Variants in MCTP2 observed in about 807,000 individuals in gnomAD.
The protein encoded by MCTP2 is multiple C2 and transmembrane domain containing 2.
In MCTP2, 132 loss-of-function variants were observed where a neutral mutation model predicts 111.6. That is an observed-to-expected ratio of 1.18 (90% CI 1.03 to 1.37). The LOEUF (loss-of-function observed/expected upper bound fraction) is 1.37, where lower values mean the gene tolerates loss of function less well. MCTP2 is among the 40% of genes most tolerant of loss of function. The pLI is 0.00. For missense variants in MCTP2, 1,183 were observed against 1,067.9 expected, an observed-to-expected ratio of 1.11 and a Z score of -1.50; for synonymous variants, 395 against 387.7, an observed-to-expected ratio of 1.02 and a Z score of -0.22.
chr15:94,272,085 G>C (rs1361598317), intron 1 of MCTP2, among the ~76,000 whole-genome samples: 1 of 152,172 alleles, frequency 6.6e-6, no homozygotes, highest in African/African-American at 2.4e-5. Flanking sequence ...GAAGTTTAAT[G>C]GTTGTGTTCT....
intron 2 of MCTP2, among the ~76,000 whole-genome samples, chr15:94,309,834 G>C (rs1316575325): frequency 6.6e-6 from 1 of 152,220 alleles, no homozygotes; most frequent in African/African-American, 2.4e-5. Flanking sequence ...TCAATGCAAA[G>C]TTGCTTTTAT....
At chr15:94,263,228 T>C (rs890230611) in intron 1 of MCTP2, among the ~76,000 whole-genome samples, 1 of 152,210 alleles carries the variant, frequency 6.6e-6, no homozygotes, top group African/African-American at 2.4e-5. Flanking sequence ...GGTTTTCGGC[T>C]GAATAGTGAA....
chr15:94,385,512 T>G lies in MCTP2; in HGVS notation c.1775T>G (p.Ile592Ser). The G allele has an allele frequency of 6.2e-7, 1 of 1,610,816 alleles. No homozygotes were observed. Among genetic ancestry groups the G allele is most frequent in the African/African-American group, 1.3e-5 (1 of 74,988 alleles). Residue 592 changes from isoleucine to serine, a missense_variant, in exon 14 of 23, where the codon ATT becomes AGT. Transcript: ENST00000357742. ...CCAGATTTTCTTGGAAAAGTTGCCA[T>G]TCCCTTGCTGTCCGTAAGTTTCCTT... ...KPPDFLGKVA[I>S]PLLSIRDGQP...
intron 20 of MCTP2, among the ~76,000 whole-genome samples, chr15:94,465,525 G>T (rs1048923612): frequency 6.6e-6 from 1 of 152,072 alleles, no homozygotes; most frequent in African/African-American, 2.4e-5. Context: ...TCGGAACTCC[G>T]ACTAACTGAA....
At chr15:94,274,844 C>T (rs2074103461) in intron 1 of MCTP2, among the ~76,000 whole-genome samples, 1 of 152,130 alleles carries the variant, frequency 6.6e-6, no homozygotes, top group Non-Finnish European at 1.5e-5. Context: ...GTCATGCTTT[C>T]CAACTCTATG....
At chr15:94,478,597 G>A (rs1043082866) in intron 22 of MCTP2, among the ~76,000 whole-genome samples, 10 of 152,094 alleles carry the variant, frequency 6.6e-5, no homozygotes, top group Non-Finnish European at 1.3e-4. Flanking sequence ...ATTTTTAAAC[G>A]AATAATCCTC....
At chr15:94,393,351 A>G (rs1313776944) in intron 14 of MCTP2, among the ~76,000 whole-genome samples, 1 of 152,252 alleles carries the variant, frequency 6.6e-6, no homozygotes, top group African/African-American at 2.4e-5. Context: ...CACTTAATTT[A>G]TAATAAACTT....
At chr15:94,283,090 G>A (rs553688435) in intron 1 of MCTP2, among the ~76,000 whole-genome samples, 14 of 152,268 alleles carry the variant, frequency 9.2e-5, no homozygotes, top group African/African-American at 2.4e-4. Context: ...GGTGCACACC[G>A]GCAGAGGTCT....
intron 14 of MCTP2, among the ~76,000 whole-genome samples, chr15:94,396,440 T>TTG (rs1167091199): frequency 2.6e-5 from 4 of 151,898 alleles, no homozygotes; most frequent in Admixed American, 6.6e-5. Flanking sequence ...AGACGTGGAA[T>TTG]TGTGTGTGTG....
intron 2 of MCTP2, 30 bp downstream of exon 2, chr15:94,298,760 T>TTG (rs2075396281): frequency 7.0e-7 from 1 of 1,427,478 alleles, no homozygotes; most frequent in African/African-American, 1.5e-5. Flanking sequence ...CTCTTTTTTT[T>TTG]TGTCTCTCTC....
chr15:94,243,463 G>GTACATACATA (rs1289418418), intron 1 of MCTP2, among the ~76,000 whole-genome samples: 4 of 145,192 alleles, frequency 2.8e-5, no homozygotes, highest in Non-Finnish European at 4.5e-5. Flanking sequence ...ACATGCGTAT[G>GTACATACATA]CGTATATGCG....
chr15:94,390,094 A>ACG (rs1255979408), intron 14 of MCTP2, among the ~76,000 whole-genome samples: 1 of 12,108 alleles, frequency 8.3e-5, no homozygotes, highest in Non-Finnish European at 2.2e-4. Context: ...ATATATGTAT[A>ACG]TATATATATA....
intron 20 of MCTP2, among the ~76,000 whole-genome samples, chr15:94,459,189 T>G (rs1361616366): frequency 6.6e-6 from 1 of 152,234 alleles, no homozygotes; most frequent in Non-Finnish European, 1.5e-5. Context: ...AAGGATTAAT[T>G]CTTACTTTAT....
chr15:94,298,545 A>G lies in MCTP2; in HGVS notation c.280A>G (p.Ser94Gly), dbSNP rs927690596. The G allele has an allele frequency of 1.2e-6, 2 of 1,614,168 alleles. No individual in the cohort carries two copies. Among genetic ancestry groups the G allele is most frequent in the African/African-American group, 1.3e-5 (1 of 75,056 alleles). The part of the protein sequence containing the change: ...TAGIFPKSSS[S>G]SLKQSEEELD... Reference sequence around the variant, plus strand: ...AGGGATCTTTCCCAAGAGCAGCAGTAGCTCCTTGAAACAGTCTGAAGAAGA... The same window carrying G: ...AGGGATCTTTCCCAAGAGCAGCAGTGGCTCCTTGAAACAGTCTGAAGAAGA... The change falls in exon 2 of 23, where the codon AGC (serine) becomes GGC (glycine). Residue 94 changes from serine (S) to glycine (G), a missense_variant. Coordinates refer to ENST00000357742, the MANE Select transcript of MCTP2 (RefSeq NM_001385001.1).
intron 21 of MCTP2, 70 bp from the exon 22 acceptor site, chr15:94,476,626 A>C: frequency 2.6e-6 from 2 of 779,458 alleles, no homozygotes; most frequent in Non-Finnish European, 4.4e-6. Context: ...ATAGATAGAT[A>C]GATAGATAGA....
Position 94,401,944 on chromosome 15 carries a change from A to C in MCTP2, c.2010A>C (p.Ala670=). 1 of 1,612,912 alleles carries C rather than the reference A, an allele frequency of 6.2e-7. No homozygotes were observed. Among genetic ancestry groups the C allele is most frequent in the Non-Finnish European group, 8.5e-7 (1 of 1,178,988 alleles). ...DVDRVKRITM[A]IWNTMQFLKS... ...ACCGTGTGAAAAGAATCACTATGGCAATATGGAATACAATGCAGTTCCTTA... is the reference window on the plus strand; with the variant it reads ...ACCGTGTGAAAAGAATCACTATGGCCATATGGAATACAATGCAGTTCCTTA... Residue 670 remains alanine (A), a synonymous_variant, in exon 17 of 23, where the codon GCA becomes GCC. Coordinates refer to ENST00000357742, the MANE Select transcript of MCTP2 (RefSeq NM_001385001.1).
At chr15:94,369,023 G>GT (rs1464371775) in intron 11 of MCTP2, among the ~76,000 whole-genome samples, 1 of 152,138 alleles carries the variant, frequency 6.6e-6, no homozygotes, top group Non-Finnish European at 1.5e-5. Context: ...CCCTGGATTT[G>GT]TTTTTTAAGT....
At chr15:94,474,791 G>T (rs1001566128) in intron 21 of MCTP2, among the ~76,000 whole-genome samples, 1 of 152,056 alleles carries the variant, frequency 6.6e-6, no homozygotes, top group Admixed American at 6.6e-5. Flanking sequence ...TTTTGATCCT[G>T]GACACCTTCA....
chr15:94,434,839 CTCTT>C (rs763899239), intron 17 of MCTP2, among the ~76,000 whole-genome samples: 116 of 149,066 alleles, frequency 7.8e-4, no homozygotes, highest in Admixed American at 2.2e-3. Flanking sequence ...TTTGCATTTT[CTCTT>C]TCTTTCTTTC....
Sources: allele counts gnomAD v4.1 joint callset (sites outside exome capture counted in the v4.1 genomes callset), GRCh38; gene constraint gnomAD v4.1.1; transcripts MANE v1.5; gene names NCBI Gene and HGNC (gene_info 2026-07-23, HGNC 2026-07-21).